Variants in RAD51B observed in about 807,000 individuals in gnomAD.
The protein encoded by RAD51B is RAD51 paralog B.
A neutral mutation model predicts 42.2 loss-of-function variants in RAD51B; 38 were observed. The ratio of observed to expected loss-of-function variants is 0.90; its 90% CI spans 0.70 to 1.18. The LOEUF (loss-of-function observed/expected upper bound fraction) is 1.18, where lower values mean the gene tolerates loss of function less well. RAD51B is among the 50% of genes most tolerant of loss of function. The pLI is 0.00. For missense variants in RAD51B, 373 were observed against 400.7 expected (o/e 0.93, Z 0.59); for synonymous variants, 154 against 145.2 (o/e 1.06, Z -0.43).
downstream of RAD51B, among the ~76,000 whole-genome samples, chr14:68,480,585 C>T (rs769264159): frequency 6.6e-6 from 1 of 152,050 alleles, no homozygotes; most frequent in Non-Finnish European, 1.5e-5. Context: ...TCTCCCAGAT[C>T]TCTGTCTGTA....
At chr14:67,849,279 T>C (rs1420685710) in intron 4 of RAD51B, among the ~76,000 whole-genome samples, 1 of 151,548 alleles carries the variant, frequency 6.6e-6, no homozygotes, top group African/African-American at 2.4e-5. Context: ...TCTTTCTTTC[T>C]TTTTTTTTCT....
intron 8 of RAD51B, among the ~76,000 whole-genome samples, chr14:68,334,152 A>T (rs1465700073): frequency 6.6e-6 from 1 of 152,144 alleles, no homozygotes; most frequent in East Asian, 1.9e-4. Flanking sequence ...CCCTAGAAAA[A>T]TGCAGGGATG....
chr14:68,087,900 TTATATAATTATATAATATATTATA>T (rs2077014573), intron 7 of RAD51B, among the ~76,000 whole-genome samples: 1 of 77,796 alleles, frequency 1.3e-5, no homozygotes, highest in African/African-American at 7.5e-5. Context: ...AATATATTAT[TTATATAATTATATAATATATTATA>T]TATAATTATA....
intron 7 of RAD51B, among the ~76,000 whole-genome samples, chr14:68,169,361 C>T (rs2078820482): frequency 1.3e-5 from 2 of 152,106 alleles, no homozygotes; most frequent in South Asian, 4.1e-4. Context: ...TTTTCTGCTC[C>T]TAAAGCCTTT....
intron 7 of RAD51B, among the ~76,000 whole-genome samples, chr14:68,135,587 G>T (rs1258387541): frequency 2.6e-5 from 4 of 152,118 alleles, no homozygotes; most frequent in Non-Finnish European, 5.9e-5. Flanking sequence ...AGCTTGTATT[G>T]CCTGTCAGTA....
chr14:67,909,645 ATATT>A (rs1452291192), intron 7 of RAD51B, among the ~76,000 whole-genome samples: 1 of 152,144 alleles, frequency 6.6e-6, no homozygotes, highest in Non-Finnish European at 1.5e-5. Context: ...ATGTGGGTGA[ATATT>A]TAATGTAAAA....
chr14:68,420,639 T>G (rs924743226), intron 9 of RAD51B, among the ~76,000 whole-genome samples: 1 of 152,220 alleles, frequency 6.6e-6, no homozygotes, highest in Non-Finnish European at 1.5e-5. Flanking sequence ...TAGCGTATAA[T>G]GAGCAGTGAG....
chr14:67,964,713 TC>T (rs1951863050), intron 7 of RAD51B, among the ~76,000 whole-genome samples: 1 of 152,192 alleles, frequency 6.6e-6, no homozygotes, highest in South Asian at 2.1e-4. Flanking sequence ...TAGTACAGGT[TC>T]CTGAACAAGA....
intron 7 of RAD51B, among the ~76,000 whole-genome samples, chr14:68,282,267 G>C (rs2081333807): frequency 6.6e-6 from 1 of 152,154 alleles, no homozygotes; most frequent in African/African-American, 2.4e-5. Flanking sequence ...ACAGGCATGA[G>C]CCACCATGCC....
At chr14:67,859,423 A>G (rs1344833913) in intron 4 of RAD51B, among the ~76,000 whole-genome samples, 3 of 152,248 alleles carry the variant, frequency 2.0e-5, no homozygotes, top group African/African-American at 7.2e-5. Context: ...ATCAACAACA[A>G]TCTAATCTCA....
chr14:68,675,506 T>A (rs926075452), intron 11 of RAD51B, among the ~76,000 whole-genome samples: 1 of 152,178 alleles, frequency 6.6e-6, no homozygotes, highest in Admixed American at 6.5e-5. Flanking sequence ...GGCCTGGGGT[T>A]GAACAGGCCA....
chr14:68,139,227 A>G (rs78752836), intron 7 of RAD51B, among the ~76,000 whole-genome samples: 1 of 151,738 alleles, frequency 6.6e-6, no homozygotes, highest in Non-Finnish European at 1.5e-5. Flanking sequence ...CAAAACATTT[A>G]TTACTAAAAT....
At chr14:67,958,559 T>G (rs2074596870) in intron 7 of RAD51B, among the ~76,000 whole-genome samples, 3 of 152,350 alleles carry the variant, frequency 2.0e-5, no homozygotes, top group African/African-American at 7.2e-5. Context: ...CTGAATACAG[T>G]AAACAAAAAA....
At chr14:68,209,543 A>T (rs2079659003) in intron 7 of RAD51B, among the ~76,000 whole-genome samples, 2 of 151,500 alleles carry the variant, frequency 1.3e-5, no homozygotes, top group Admixed American at 1.3e-4. Context: ...TGCCTTGTTC[A>T]TTTTTTTTTC....
chr14:68,259,658 G>C (rs937569179), intron 7 of RAD51B, among the ~76,000 whole-genome samples: 1 of 152,012 alleles, frequency 6.6e-6, no homozygotes, highest in African/African-American at 2.4e-5. Context: ...CCATAATTTT[G>C]TATGATCCCA....
chr14:68,155,287 G>A (rs1251217675), intron 7 of RAD51B, among the ~76,000 whole-genome samples: 2 of 151,956 alleles, frequency 1.3e-5, no homozygotes, highest in Non-Finnish European at 2.9e-5. Context: ...CGCCTCCCGG[G>A]TTCACGCCAT....
At chr14:68,184,053 A>G (rs1320135470) in intron 7 of RAD51B, among the ~76,000 whole-genome samples, 1 of 145,500 alleles carries the variant, frequency 6.9e-6, no homozygotes, top group African/African-American at 2.6e-5. Context: ...AGATCACGCC[A>G]CTGCACTCCA....
At chr14:68,317,387 C>T (rs1299383140) in intron 8 of RAD51B, among the ~76,000 whole-genome samples, 4 of 152,032 alleles carry the variant, frequency 2.6e-5, no homozygotes, top group African/African-American at 9.7e-5. Context: ...ATGTCTCTAC[C>T]CTTAAGAACT....
intron 7 of RAD51B, among the ~76,000 whole-genome samples, chr14:67,921,908 C>T (rs2140136422): frequency 1.3e-5 from 2 of 152,132 alleles, no homozygotes; most frequent in African/African-American, 4.8e-5. Flanking sequence ...TGTTAGTGTG[C>T]TCTGCGATGG....
Sources: gnomAD v4.1 joint callset for allele counts (sites outside exome capture counted in the v4.1 genomes callset) on GRCh38, gnomAD v4.1.1 for gene constraint, MANE v1.5 for transcripts, NCBI Gene and HGNC (gene_info 2026-07-23, HGNC 2026-07-21) for gene names.